The following FBXO11 variants were observed in gnomAD, a reference collection of about 807,000 sequenced individuals.
The protein encoded by FBXO11 is F-box protein 11, also known as F-box only protein 11.
A neutral mutation model predicts 117.0 loss-of-function variants in FBXO11; 13 were observed. The observed-to-expected ratio is 0.11, with a 90% CI of 0.07 to 0.18. The LOEUF is 0.18. FBXO11 is among the 10% of genes least tolerant of loss of function. FBXO11 has a pLI of 1.00. For synonymous variants in FBXO11, 490 were observed against 380.5 expected (o/e 1.29, Z -3.35); for missense variants, 767 against 1,164.4 (o/e 0.66, Z 4.97).
chr2:47,834,430 T>A (rs1672410793), intron 7 of FBXO11, 149 bp downstream of exon 7: 3 of 576,446 alleles, frequency 5.2e-6, no homozygotes, highest in Non-Finnish European at 8.7e-6. Flanking sequence ...TGTTTTCACT[T>A]CCTTCACTTA....
At chr2:47,808,680 A>T (rs1026632503) in intron 21 of FBXO11, 1 of 385,920 alleles carries the variant, frequency 2.6e-6, no homozygotes, top group African/African-American at 2.1e-5. Flanking sequence ...AAAGCCTCTC[A>T]AATGTTTCTG....
In FBXO11 at chr2:47,809,582, T is replaced by C. The variant is rs536023138; in HGVS notation, c.2446+18A>G. The C allele has an allele frequency of 1.9e-6, 3 of 1,544,698 alleles. No individual in the cohort carries two copies. Among genetic ancestry groups the C allele is most frequent in the East Asian group, 2.3e-5 (1 of 44,430 alleles). On this transcript the variant is annotated intron_variant, in intron 20 of 22. Coordinates refer to ENST00000403359, the MANE Select transcript of FBXO11 (RefSeq NM_001190274.2). ...GGCATATTGCATATATTTATAGGTATAGCAGACTCCAACATACCTTTCATT... is the reference window on the plus strand; with the variant it reads ...GGCATATTGCATATATTTATAGGTACAGCAGACTCCAACATACCTTTCATT...
rs545682259 is a variant in FBXO11, at chr2:47,890,436, T to C, written c.232+15053A>G. On this transcript the variant is annotated intron_variant, in intron 1 of 22. Coordinates refer to ENST00000403359, the MANE Select transcript of FBXO11 (RefSeq NM_001190274.2). ...TAAAAATATGTAACATTTAAGCTTT[T>C]ATTCAAATTTAAAATGCCCTACATG... is the stretch of plus-strand genomic sequence containing the variant. 4.6e-5 allele frequency among the ~76,000 whole-genome samples: 7 copies of C among 152,312 alleles called. No homozygotes were observed. In the East Asian group the frequency reaches 1.3e-3, roughly 29 times the overall value.
At chr2:47,866,768 G>A (rs910475768) in intron 1 of FBXO11, among the ~76,000 whole-genome samples, 2 of 152,070 alleles carry the variant, frequency 1.3e-5, no homozygotes, top group South Asian at 2.1e-4. Context: ...CACTGCGCCC[G>A]GCCTATGCTA....
intron 1 of FBXO11, among the ~76,000 whole-genome samples, chr2:47,860,446 T>G (rs1156979879): frequency 6.6e-6 from 1 of 151,248 alleles, no homozygotes; most frequent in East Asian, 1.9e-4. Flanking sequence ...AGTCTGGCTC[T>G]GTCGCCCAGA....
intron 1 of FBXO11, among the ~76,000 whole-genome samples, chr2:47,850,304 T>A (rs902547561): frequency 3.3e-5 from 5 of 152,238 alleles, no homozygotes; most frequent in South Asian, 2.1e-4. Flanking sequence ...TTTTGAGTTT[T>A]GAGGTACCTG....
intron 13 of FBXO11, among the ~76,000 whole-genome samples, chr2:47,821,707 C>T (rs535743536): frequency 1.3e-5 from 2 of 151,960 alleles, no homozygotes; most frequent in African/African-American, 2.4e-5. Context: ...ATCGCTTGAA[C>T]CTGGGAGGCA....
At chr2:47,826,587 C>A (rs1331146347) in intron 11 of FBXO11, among the ~76,000 whole-genome samples, 1 of 152,178 alleles carries the variant, frequency 6.6e-6, no homozygotes, top group East Asian at 1.9e-4. Context: ...TATACTCACA[C>A]ATTGTATCCT....
At chr2:47,841,500 C>G (rs1166647018) in intron 1 of FBXO11, among the ~76,000 whole-genome samples, 3 of 152,132 alleles carry the variant, frequency 2.0e-5, no homozygotes, top group Non-Finnish European at 4.4e-5. Flanking sequence ...AAACATCAAA[C>G]CTGAATCCGA....
chr2:47,859,632 G>C (rs900665861), intron 1 of FBXO11, among the ~76,000 whole-genome samples: 6 of 152,144 alleles, frequency 3.9e-5, no homozygotes, highest in Non-Finnish European at 8.8e-5. Flanking sequence ...CTTATTTGCA[G>C]CCCTCAAAGT....
At chr2:47,808,458 C>T (rs1411928396) in intron 21 of FBXO11, 31 bp from the exon 22 acceptor site, 5 of 1,534,832 alleles carry the variant, frequency 3.3e-6, no homozygotes, top group African/African-American at 2.8e-5. Context: ...TTACTTTTCT[C>T]AAACATGTCA....
chr2:47,857,519 C>T (rs775287646), intron 1 of FBXO11, among the ~76,000 whole-genome samples: 34 of 152,154 alleles, frequency 2.2e-4, no homozygotes, highest in Non-Finnish European at 4.0e-4. Flanking sequence ...AAATAAGATG[C>T]TGTATCTGCA....
Position 47,832,345 on chromosome 2 carries a change from T to C in FBXO11, c.1398+4A>G. 1 of 1,592,992 alleles carries C rather than the reference T, an allele frequency of 6.3e-7. No homozygotes were observed. Among genetic ancestry groups the C allele is most frequent in the Non-Finnish European group, 8.5e-7 (1 of 1,170,896 alleles). On this transcript the variant is annotated splice_donor_region_variant and intron_variant, in intron 11 of 22. Transcript: ENST00000403359. ...GTTTTTCTATTAAAAATAAGTGTTC[T>C]TACCATGCCATGATCAAATGTGAAC...
chr2:47,863,055 C>CAAAAAAAAA (rs763187950), intron 1 of FBXO11, among the ~76,000 whole-genome samples: 2 of 73,948 alleles, frequency 2.7e-5, no homozygotes, highest in Non-Finnish European at 5.4e-5. Flanking sequence ...AACTGTGTCT[C>CAAAAAAAAA]AAAAAAAAAA....
intron 1 of FBXO11, among the ~76,000 whole-genome samples, chr2:47,900,693 T>C (rs1253799301): frequency 9.4e-6 from 1 of 106,688 alleles, no homozygotes; most frequent in African/African-American, 3.8e-5. Flanking sequence ...TACACACACG[T>C]ATACACACAC....
At chr2:47,857,767 A>AATT (rs1426979449) in intron 1 of FBXO11, among the ~76,000 whole-genome samples, 4 of 152,218 alleles carry the variant, frequency 2.6e-5, no homozygotes. Flanking sequence ...AAAGTCATTG[A>AATT]ATGAATATAC....
chr2:47,831,206 C>A (rs1672158583), intron 11 of FBXO11, among the ~76,000 whole-genome samples: 1 of 151,662 alleles, frequency 6.6e-6, no homozygotes, highest in South Asian at 2.1e-4. Context: ...CACTTGAGGC[C>A]AGGAGTTCAA....
Position 47,886,861 on chromosome 2 carries a change from CCT to C in FBXO11, c.232+18626_232+18627del, listed in dbSNP as rs373974598. ...AAAGCCTGTGCAACACAATGAGACC[CCT>C]GTCTCTACCAAAAAAAAAATTAAAA... On this transcript the variant is annotated intron_variant, in intron 1 of 22. Transcript: ENST00000403359. Among the ~76,000 whole-genome samples the C allele has an allele frequency of 5.3e-3, 807 of 152,246 alleles. 7 individuals carry two copies. Among genetic ancestry groups the C allele is most frequent in the African/African-American group, 0.018 (748 of 41,540 alleles).
At position 47,871,140 on chromosome 2, in the gene FBXO11, A is replaced by G. The variant is rs79905772; in HGVS notation, c.233-31371T>C. Among the ~76,000 whole-genome samples, 179 of 152,266 alleles carry G rather than the reference A, an allele frequency of 1.2e-3. 2 individuals carry two copies. The East Asian group carries it at 0.029, about 24-fold the overall frequency. On this transcript the variant is annotated intron_variant, in intron 1 of 22. Coordinates refer to ENST00000403359, the MANE Select transcript of FBXO11 (RefSeq NM_001190274.2). ...AAGTGGTGATAGTATGCAATTTGGG[A>G]GAGTAGGTGATAAAAGACACAGTAG...
Sources: gnomAD v4.1 joint callset for allele counts (sites outside exome capture counted in the v4.1 genomes callset) on GRCh38, gnomAD v4.1.1 for gene constraint, MANE v1.5 for transcripts, NCBI Gene and HGNC (gene_info 2026-07-23, HGNC 2026-07-21) for gene names.